Variants in PCDHA7 observed in about 807,000 individuals in gnomAD.
The protein encoded by PCDHA7 is protocadherin alpha-7.
Under a neutral mutation model 57.2 loss-of-function variants are expected in PCDHA7, and 37 were observed. The observed-to-expected ratio is 0.65, with a 90% CI of 0.50 to 0.85. The LOEUF (loss-of-function observed/expected upper bound fraction) is 0.85. Among genes scored for constraint, PCDHA7 ranks in the 40% least tolerant of loss-of-function variants. The pLI is 0.00. For synonymous variants in PCDHA7, 553 were observed against 558.8 expected (o/e 0.99, Z 0.15); for missense variants, 1,188 against 1,241.8 (o/e 0.96, Z 0.65).
intron 1 of PCDHA7, among the ~76,000 whole-genome samples, chr5:140,971,333 G>A (rs1015985935): frequency 6.6e-6 from 1 of 152,194 alleles, no homozygotes. Context: ...AATTATTTCA[G>A]AAAGTGCTTG....
rs781950915 is a variant in PCDHA7 at position 140,855,998 on chromosome 5, G to A, written c.2355+19260G>A. On this transcript the variant is annotated intron_variant, in intron 1 of 3. Coordinates refer to ENST00000525929, the MANE Select transcript of PCDHA7 (RefSeq NM_018910.3). ...TAGGACAGAAAATGTCAGATCGTAT[G>A]TGCGTTCTAGACCGCTGATTCGTCG... 3.7e-5 allele frequency: 56 copies of A among 1,511,288 alleles called. 3 individuals are homozygous for A. Among genetic ancestry groups the A allele is most frequent in the Non-Finnish European group, 4.9e-5 (55 of 1,120,558 alleles). 93.6% of individuals were successfully genotyped at this position (1,511,288 alleles called of 1,614,324 possible). A position where few individuals can be genotyped will look rare whatever the true frequency, so the allele number is the denominator to read the frequency against.
intron 3 of PCDHA7, among the ~76,000 whole-genome samples, chr5:140,994,980 C>A (rs1311252472): frequency 4.6e-5 from 7 of 151,992 alleles, no homozygotes; most frequent in Admixed American, 1.3e-4. Flanking sequence ...CCATGGAGAC[C>A]CACTAGAAGG....
In PCDHA7 at chr5:140,836,556, G is replaced by T. The variant is rs1441069501; in HGVS notation, c.2173G>T (p.Ala725Ser). The change falls in exon 1 of 4, where the codon GCG becomes TCG. Residue 725 changes from alanine (A) to serine (S), a missense_variant. Ala to Ser is a moderately conservative substitution (Grantham distance 99, BLOSUM62 1). This residue lies in a region of PCDHA7 where 892 missense variants were observed against 788.5 expected (regional missense o/e 1.13). Coordinates refer to ENST00000525929, the MANE Select transcript of PCDHA7 (RefSeq NM_018910.3). ...GCTGTACACGGCGTTGCGGTGCTCA[G>T]CGCCGTCCTCTGAGGGCGCATGTAG... ...LLLYTALRCS[A>S]PSSEGACSLV... The T allele has an allele frequency of 1.2e-6, 2 of 1,613,776 alleles. No individual in the cohort carries two copies. Among genetic ancestry groups the T allele is most frequent in the Non-Finnish European group, 1.7e-6 (2 of 1,179,826 alleles).
At position 140,851,036 on chromosome 5, in the gene PCDHA7, T is replaced by A; in HGVS notation, c.2355+14298T>A. On this transcript the variant is annotated intron_variant, in intron 1 of 3. Coordinates refer to ENST00000525929, the MANE Select transcript of PCDHA7 (RefSeq NM_018910.3). ...TTCTGATAAAGTAAACCCCTTAACA[T>A]TGGAGCCGACTTTGTCTTGACTTCT... 2 of 1,401,900 alleles carry A rather than the reference T, an allele frequency of 1.4e-6. 1 individual carries two copies. The highest frequency in any genetic ancestry group is 1.9e-6 in the Non-Finnish European group (2 of 1,068,406). The allele number at this position is 1,401,900 out of a possible 1,614,324, so 86.8% of individuals were successfully genotyped here.
rs2098414068 is a variant in PCDHA7 at position 141,009,729 on chromosome 5, G to T, written c.2606G>T (p.Gly869Val). The T allele has an allele frequency of 6.2e-7, 1 of 1,614,168 alleles. No homozygotes were observed. The highest frequency in any genetic ancestry group is 8.5e-7 in the Non-Finnish European group (1 of 1,180,028). ...GGCAACCCCAAACAATCCGGTCCCG[G>T]TGAGTTGCCCGACAAATTCATTATC... is the stretch of plus-strand genomic sequence containing the variant. ...GPGNPKQSGPGELPDKFIIPG... is the reference protein window; with the variant it reads ...GPGNPKQSGPVELPDKFIIPG... Residue 869 changes from glycine (G) to valine (V), a missense_variant, in exon 4 of 4, where the codon GGT becomes GTT. This residue lies in a region of PCDHA7 where 892 missense variants were observed against 788.5 expected (regional missense o/e 1.13). Transcript: ENST00000525929.
chr5:140,863,019 T>A (rs781817571), intron 1 of PCDHA7: 6 of 554,136 alleles, frequency 1.1e-5, no homozygotes, highest in Admixed American at 5.7e-5. Context: ...GACGCCTGGT[T>A]GTCGCAACAG....
At chr5:140,899,200 T>G (rs1554188457) in intron 1 of PCDHA7, among the ~76,000 whole-genome samples, 2 of 151,512 alleles carry the variant, frequency 1.3e-5, no homozygotes, top group Admixed American at 1.3e-4. Context: ...CCTGCCTAAT[T>G]GCCCTGGCCA....
At chr5:140,966,937 C>A in intron 1 of PCDHA7, 1 of 1,604,032 alleles carries the variant, frequency 6.2e-7, no homozygotes. Context: ...CCGGCGCGCT[C>A]GTGGGCAACG....
chr5:140,994,263 C>G (rs1329526022), intron 3 of PCDHA7, among the ~76,000 whole-genome samples: 1 of 152,160 alleles, frequency 6.6e-6, no homozygotes, highest in African/African-American at 2.4e-5. Flanking sequence ...ATAAGGTAAG[C>G]TAGGCTGCCT....
At chr5:140,906,995 C>T (rs1177237804) in intron 1 of PCDHA7, among the ~76,000 whole-genome samples, 1 of 152,164 alleles carries the variant, frequency 6.6e-6, no homozygotes, top group Non-Finnish European at 1.5e-5. Flanking sequence ...GCATTCCTCC[C>T]TCTGGAACTA....
In PCDHA7 at chr5:141,010,177, C is replaced by T; in HGVS notation, c.*240C>T. 3 of 1,556,196 alleles carry T rather than the reference C, an allele frequency of 1.9e-6. No homozygotes were observed. The highest frequency in any genetic ancestry group is 1.7e-4 in the Middle Eastern group (1 of 6,000). On this transcript the variant is annotated 3_prime_UTR_variant, in exon 4 of 4. Coordinates refer to ENST00000525929, the MANE Select transcript of PCDHA7 (RefSeq NM_018910.3). ...TGGCTTGTTTTCAGAACCTAAAAAG[C>T]AGACCCAAGTTTCCTTTCTCCTCCG... is the stretch of plus-strand genomic sequence containing the variant.
At chr5:140,997,978 C>A (rs1205743045) in intron 3 of PCDHA7, among the ~76,000 whole-genome samples, 2 of 152,182 alleles carry the variant, frequency 1.3e-5, no homozygotes, top group Admixed American at 1.3e-4. Context: ...TTGGACTGCA[C>A]TTGTTACATA....
At position 140,848,824 on chromosome 5, in the gene PCDHA7, T is replaced by C. The variant is rs2150421709; in HGVS notation, c.2355+12086T>C. On this transcript the variant is annotated intron_variant, in intron 1 of 3. Coordinates refer to ENST00000525929, the MANE Select transcript of PCDHA7 (RefSeq NM_018910.3). ...TGCAGCATCCACCTGGAGGTGATCG[T>C]AGACAGGCCGCTGCAGGTTTTCCAT... 7.5e-6 allele frequency: 12 copies of C among 1,590,566 alleles called. 1 individual carries two copies. In the Middle Eastern group the frequency reaches 1.4e-3, roughly 180 times the overall value.
intron 1 of PCDHA7, chr5:140,927,681 G>A: frequency 6.2e-7 from 1 of 1,614,180 alleles, no homozygotes; most frequent in Non-Finnish European, 8.5e-7. Flanking sequence ...CAGATGAAGG[G>A]TCCAATGGGG....
At chr5:140,851,427 T>C in intron 1 of PCDHA7, 2 of 945,324 alleles carry the variant, frequency 2.1e-6, no homozygotes, top group Non-Finnish European at 2.6e-6. Flanking sequence ...CCCTAAACTT[T>C]AGAAAACAGT....
rs139214405 is a variant in PCDHA7, at chr5:140,927,269, C to A, written c.2356-51680C>A. The A allele has an allele frequency of 2.4e-5, 38 of 1,614,024 alleles. No individual in the cohort carries two copies. In the African/African-American group the frequency reaches 3.9e-4, roughly 16 times the overall value. On this transcript the variant is annotated intron_variant, in intron 1 of 3. Transcript: ENST00000525929. ...AATGACAACTCACCTCTCTTTCCTG[C>A]CGGCGACGTGCAGCTGCACATCCCC...
chr5:140,969,292 C>G, intron 1 of PCDHA7: 2 of 1,614,208 alleles, frequency 1.2e-6, no homozygotes, highest in Non-Finnish European at 1.7e-6. Context: ...ATGCTGGGAA[C>G]CTGATTATTC....
In PCDHA7 at chr5:140,946,774, T is replaced by G. The variant is rs57013515; in HGVS notation, c.2356-32175T>G. On this transcript the variant is annotated intron_variant, in intron 1 of 3. Coordinates refer to ENST00000525929, the MANE Select transcript of PCDHA7 (RefSeq NM_018910.3). ...TGCATGATCTCATTCATGTGGAATGTAAAAAAGCTGATCTTATAGAAGCAG... is the reference window on the plus strand; with the variant it reads ...TGCATGATCTCATTCATGTGGAATGGAAAAAAGCTGATCTTATAGAAGCAG... Among the ~76,000 whole-genome samples, 481 of 151,404 alleles carry G rather than the reference T, an allele frequency of 3.2e-3. 2 individuals are homozygous for G. Among genetic ancestry groups the G allele is most frequent in the African/African-American group, 0.011 (462 of 41,264 alleles).
chr5:140,843,362 AGGCAGTC>A, intron 1 of PCDHA7: 4 of 1,595,998 alleles, frequency 2.5e-6, no homozygotes, highest in Non-Finnish European at 3.4e-6. Context: ...AGCGTCATCG[AGGCAGTC>A]GGCTGGCGTT....
Sources: allele counts gnomAD v4.1 joint callset (sites outside exome capture counted in the v4.1 genomes callset), GRCh38; gene constraint gnomAD v4.1.1; regional missense constraint gnomAD v4.1.1; transcripts MANE v1.5; gene names NCBI Gene and HGNC (gene_info 2026-07-23, HGNC 2026-07-21).